The following ACTA2 variants were observed in gnomAD, a reference collection of about 807,000 sequenced individuals.
The protein encoded by ACTA2 is actin, aortic smooth muscle.
In ACTA2, 12 loss-of-function variants were observed where a neutral mutation model predicts 39.5. That is an observed-to-expected ratio of 0.30 (90% CI 0.19 to 0.49). ACTA2 has a LOEUF of 0.49. Ranked by LOEUF, ACTA2 falls within the 20% of genes least tolerant of loss-of-function variation. ACTA2 has a pLI of 0.99. For synonymous variants in ACTA2, 158 were observed against 180.6 expected, an observed-to-expected ratio of 0.88 and a Z score of 1.00; for missense variants, 236 against 498.8, an observed-to-expected ratio of 0.47 and a Z score of 5.02.
At chr10:88,991,283 C>G (rs889854910) in exon 1 of ACTA2, 3 of 418,092 alleles carry the variant, frequency 7.2e-6, no homozygotes, top group South Asian at 4.6e-5. Flanking sequence ...AGGGGGACCC[C>G]GGTTGGAGAG....
At position 88,990,608 on chromosome 10, in the gene ACTA2, C is replaced by T; in HGVS notation, c.-24+331G>A. The T allele has an allele frequency of 1.5e-6, 1 of 683,402 alleles. No individual in the cohort carries two copies. The highest frequency in any genetic ancestry group is 2.7e-6 in the Non-Finnish European group (1 of 374,286). 42.3% of individuals were successfully genotyped at this position (683,402 alleles called of 1,614,324 possible). On this transcript the variant is annotated intron_variant, in intron 1 of 4. Transcript: ENST00000415557. The surrounding 1 kb of genome is among the most constrained non-coding windows in gnomAD (Gnocchi z 4.9). ...GGCGTTCCCCAGCGAGGCTTCCTTC[C>T]CATCCTCCTGACCACCGGGGCTTTT... is the stretch of plus-strand genomic sequence containing the variant.
intron 1 of ACTA2, among the ~76,000 whole-genome samples, chr10:88,969,337 C>T (rs1001277743): frequency 6.6e-6 from 1 of 152,194 alleles, no homozygotes; most frequent in African/African-American, 2.4e-5. Flanking sequence ...AGTATTTCCA[C>T]ATTCTGCTAT....
intron 1 of ACTA2, among the ~76,000 whole-genome samples, chr10:88,966,184 G>A (rs1409039594): frequency 2.0e-5 from 3 of 152,194 alleles, no homozygotes; most frequent in Admixed American, 2.0e-4. Context: ...GGTAAGAAGG[G>A]AATGTGATAC....
In ACTA2 at chr10:88,941,398, A is replaced by T; in HGVS notation, c.455-8T>A. On this transcript the variant is annotated splice_polypyrimidine_tract_variant and splice_region_variant and intron_variant, in intron 5 of 8. Coordinates refer to ENST00000224784, the MANE Select transcript of ACTA2 (RefSeq NM_001613.4). ...CAGAGTCCAGCACGATGCCTGGGAGACAATTGGGCGTGATAAGTCACCATG... is the reference window on the plus strand; with the variant it reads ...CAGAGTCCAGCACGATGCCTGGGAGTCAATTGGGCGTGATAAGTCACCATG... 6.2e-7 allele frequency: 1 copy of T among 1,613,884 alleles called. No homozygotes were observed.
upstream of ACTA2, among the ~76,000 whole-genome samples, chr10:88,954,241 T>TATACATAC (rs1441647588): frequency 2.0e-5 from 3 of 152,212 alleles, no homozygotes; most frequent in Admixed American, 2.0e-4. Context: ...TGCCCACACA[T>TATACATAC]ATACATACAT....
rs149059995 is a variant in ACTA2, at chr10:88,935,118, C to A, written c.*105G>T. The A allele has an allele frequency of 8.6e-4, 1,293 of 1,505,244 alleles. No homozygotes were observed. The highest frequency in any genetic ancestry group is 8.7e-4 in the Non-Finnish European group (952 of 1,091,936). 93.2% of individuals were successfully genotyped at this position (1,505,244 alleles called of 1,614,324 possible). ...GATTTATTAAAAAACACATAGGTAA[C>A]GAGTCAGAGCTTTGGCTAGGAATGA... On this transcript the variant is annotated 3_prime_UTR_variant, in exon 9 of 9. Coordinates refer to ENST00000224784, the MANE Select transcript of ACTA2 (RefSeq NM_001613.4).
At chr10:88,951,741 T>A (rs1846054069) in intron 1 of ACTA2, among the ~76,000 whole-genome samples, 1 of 152,092 alleles carries the variant, frequency 6.6e-6, no homozygotes, top group African/African-American at 2.4e-5. Context: ...CTGACTAGAG[T>A]GCGTCTTGTG....
intron 4 of ACTA2, among the ~76,000 whole-genome samples, chr10:88,943,351 ATAGTAT>A (rs1396503050): frequency 6.6e-6 from 1 of 152,218 alleles, no homozygotes; most frequent in Non-Finnish European, 1.5e-5. Context: ...TGGAAAAATG[ATAGTAT>A]TAATATTACT....
chr10:88,988,443 T>TTTTTTTTTTTTTTTTTTTTTTTTTTTTTA (rs1554846019), intron 1 of ACTA2, among the ~76,000 whole-genome samples: 2 of 142,370 alleles, frequency 1.4e-5, no homozygotes, highest in African/African-American at 2.6e-5. Flanking sequence ...TTTTGTTTTT[T>TTTTTTTTTTTTTTTTTTTTTTTTTTTTTA]ATCTTAACTC....
At chr10:88,954,748 T>C (rs565939737), upstream of ACTA2, among the ~76,000 whole-genome samples, 7 of 152,146 alleles carry the variant, frequency 4.6e-5, no homozygotes, top group South Asian at 1.2e-3. Context: ...TCTTGCAAGA[T>C]TTTTTTTCAA....
chr10:88,935,479 G>T, intron 8 of ACTA2, 113 bp from the exon 9 acceptor site: 1 of 1,251,822 alleles, frequency 8.0e-7, no homozygotes, highest in Non-Finnish European at 1.2e-6. Context: ...GTTCAGCAGG[G>T]ACACAGGCTT....
Position 88,943,838 on chromosome 10 carries a change from C to T in ACTA2, c.328G>A (p.Ala110Thr), listed in dbSNP as rs1392926771. 1 of 1,613,852 alleles carries T rather than the reference C, an allele frequency of 6.2e-7. No homozygotes were observed. The highest frequency in any genetic ancestry group is 8.5e-7 in the Non-Finnish European group (1 of 1,179,936). The change falls in exon 4 of 9, where the codon GCA becomes ACA. Residue 110 changes from alanine to threonine, a missense_variant. Transcript: ENST00000224784. ...CGGTTGGCCTTGGGGTTCAGGGGTG[C>T]CTCCGTGAGCAGGGTGGGATGCTCT... ...PEEHPTLLTE[A>T]PLNPKANREK...
At chr10:88,937,329 C>G (rs1454645433) in intron 8 of ACTA2, among the ~76,000 whole-genome samples, 1 of 152,208 alleles carries the variant, frequency 6.6e-6, no homozygotes, top group Non-Finnish European at 1.5e-5. Flanking sequence ...CCTCTACTTC[C>G]TGTGACATGG....
At chr10:88,935,480 A>T in intron 8 of ACTA2, 114 bp from the exon 9 acceptor site, 4 of 1,249,120 alleles carry the variant, frequency 3.2e-6, no homozygotes, top group Non-Finnish European at 4.6e-6. Context: ...TTCAGCAGGG[A>T]CACAGGCTTG....
At chr10:88,977,899 G>T (rs2133339498) in intron 1 of ACTA2, among the ~76,000 whole-genome samples, 1 of 80,180 alleles carries the variant, frequency 1.2e-5, no homozygotes, top group Non-Finnish European at 2.5e-5. Context: ...CCATTACTGG[G>T]TATATACCCA....
At chr10:88,979,721 C>T (rs925543888) in intron 1 of ACTA2, among the ~76,000 whole-genome samples, 2 of 151,998 alleles carry the variant, frequency 1.3e-5, no homozygotes, top group African/African-American at 2.4e-5. Flanking sequence ...AAACTCAATT[C>T]GATCAGAAAA....
At chr10:88,967,298 G>A (rs1846336411) in intron 1 of ACTA2, among the ~76,000 whole-genome samples, 1 of 152,152 alleles carries the variant, frequency 6.6e-6, no homozygotes, top group Admixed American at 6.5e-5. Flanking sequence ...CATCAGGTAG[G>A]GGCAAGAGTA....
intron 1 of ACTA2, among the ~76,000 whole-genome samples, chr10:88,959,192 A>G (rs1846187737): frequency 6.6e-6 from 1 of 152,250 alleles, no homozygotes; most frequent in South Asian, 2.1e-4. Context: ...TTTTAATTTG[A>G]ATAGCCACAT....
intron 1 of ACTA2, chr10:88,973,652 C>T (rs1846498682): frequency 1.1e-5 from 2 of 183,294 alleles, no homozygotes; most frequent in East Asian, 2.7e-4. Flanking sequence ...AAAGGGCCCT[C>T]ATTAATTTAC....
Sources: gnomAD v4.1 joint callset for allele counts (sites outside exome capture counted in the v4.1 genomes callset) on GRCh38, gnomAD v4.1.1 for gene constraint, Gnocchi (gnomAD v3.1) non-coding constraint, MANE v1.5 for transcripts, NCBI Gene and HGNC (gene_info 2026-07-23, HGNC 2026-07-21) for gene names.